Variants in POLR2B observed in about 807,000 individuals in gnomAD.
POLR2B encodes RNA polymerase II subunit B, also known as DNA-directed RNA polymerase II subunit RPB2.
A neutral mutation model predicts 144.6 loss-of-function variants in POLR2B; 57 were observed. The observed-to-expected ratio is 0.39, with a 90% CI of 0.32 to 0.49. The LOEUF (loss-of-function observed/expected upper bound fraction) is 0.49, where lower values mean the gene tolerates loss of function less well. POLR2B is among the 20% of genes least tolerant of loss of function. The probability of loss-of-function intolerance (pLI) is 0.83; values close to 1 mark genes in which losing one functional copy is unlikely to be tolerated. For missense variants in POLR2B, 595 were observed against 1,467.4 expected (o/e 0.41, Z 9.71); for synonymous variants, 442 against 469.8 (o/e 0.94, Z 0.77).
At chr4:56,992,704 C>T (rs537676807) in intron 3 of POLR2B, among the ~76,000 whole-genome samples, 26 of 150,754 alleles carry the variant, frequency 1.7e-4, no homozygotes, top group African/African-American at 5.6e-4. Context: ...GGACTACAGG[C>T]GCCTGCCACC....
At chr4:56,996,258 GTGTGTA>G (rs1325963884) in intron 6 of POLR2B, among the ~76,000 whole-genome samples, 2 of 60,202 alleles carry the variant, frequency 3.3e-5, no homozygotes, top group South Asian at 1.3e-3. Flanking sequence ...GTGTGTGTGT[GTGTGTA>G]TATATATATA....
chr4:57,031,117 GCTTTT>G lies in POLR2B; in HGVS notation c.*133_*137del, dbSNP rs1723907858. 2 of 717,750 alleles carry G rather than the reference GCTTTT, an allele frequency of 2.8e-6. No individual in the cohort carries two copies. The highest frequency in any genetic ancestry group is 4.8e-6 in the Non-Finnish European group (2 of 414,028). 44.5% of individuals were successfully genotyped at this position (717,750 alleles called of 1,614,324 possible). On this transcript the variant is annotated 3_prime_UTR_variant, in exon 25 of 25. Coordinates refer to ENST00000314595, the MANE Select transcript of POLR2B (RefSeq NM_000938.3). ...ATTTTATTTGTTTAATGATATGCAT[GCTTTT>G]CTTCTGTAAATATATAATAAATTTT... is the stretch of plus-strand genomic sequence containing the variant.
At chr4:57,014,788 C>T (rs1448191662) in intron 13 of POLR2B, among the ~76,000 whole-genome samples, 4 of 152,152 alleles carry the variant, frequency 2.6e-5, no homozygotes, top group Admixed American at 2.6e-4. Context: ...CAGGCTTGAG[C>T]CACCGTGCCT....
Position 57,010,516 on chromosome 4 carries a change from G to A in POLR2B, c.1548+12G>A. ...CCGAGACCCCAGAGGTAATACATTA[G>A]AATTTACATTCAGGACAAAAAGTCA... On this transcript the variant is annotated intron_variant, in intron 11 of 24. Coordinates refer to ENST00000314595, the MANE Select transcript of POLR2B (RefSeq NM_000938.3). 1 of 1,603,806 alleles carries A rather than the reference G, an allele frequency of 6.2e-7. No homozygotes were observed. Among genetic ancestry groups the A allele is most frequent in the Non-Finnish European group, 8.5e-7 (1 of 1,175,856 alleles).
At position 56,994,408 on chromosome 4, in the gene POLR2B, G is replaced by A. The variant is rs1325198238; in HGVS notation, c.248G>A (p.Arg83Gln). 5 of 1,546,194 alleles carry A rather than the reference G, an allele frequency of 3.2e-6. No individual in the cohort carries two copies. Among genetic ancestry groups the A allele is most frequent in the South Asian group, 1.1e-5 (1 of 87,836 alleles). ...HASGEVEEPP[R>Q]YLLKFEQIYL... ...TGTTTTTTTGTTTAATTTCAGCCAC[G>A]ATATTTGCTGAAGTTTGAACAAATT... Residue 83 changes from arginine to glutamine, a missense_variant, in exon 4 of 25, where the codon CGA becomes CAA. By Grantham distance (43) the Arg-to-Gln change is conservative. This residue lies in a region of POLR2B where 251 missense variants were observed against 567.3 expected (regional missense o/e 0.44). Coordinates refer to ENST00000314595, the MANE Select transcript of POLR2B (RefSeq NM_000938.3).
intron 1 of POLR2B, 142 bp downstream of exon 1, chr4:56,979,146 A>T: frequency 1.1e-6 from 1 of 883,602 alleles, no homozygotes; most frequent in Non-Finnish European, 1.9e-6. Flanking sequence ...CCAGGCCGGG[A>T]ACGAAACTGG....
chr4:56,996,228 G>GTGTGTGTGTGTGTGTGTGTGTGTGTA (rs1722673415), intron 6 of POLR2B, among the ~76,000 whole-genome samples: 4 of 142,924 alleles, frequency 2.8e-5, no homozygotes. Context: ...GTGTGTGTGT[G>GTGTGTGTGTGTGTGTGTGTGTGTGTA]TGTGTGTGTG....
At chr4:57,021,588 A>C (rs536858766) in intron 17 of POLR2B, among the ~76,000 whole-genome samples, 1 of 146,760 alleles carries the variant, frequency 6.8e-6, no homozygotes, top group East Asian at 2.0e-4. Context: ...CCCAGGTTTC[A>C]AGAGATTCTC....
intron 1 of POLR2B, 116 bp downstream of exon 1, chr4:56,979,120 C>A: frequency 9.4e-7 from 1 of 1,064,834 alleles, no homozygotes; most frequent in Non-Finnish European, 1.5e-6. Context: ...AGTCCCCAGC[C>A]TTGTTCCCAC....
At chr4:56,986,601 A>G (rs1276404776) in intron 2 of POLR2B, 175 bp downstream of exon 2, 5 of 467,068 alleles carry the variant, frequency 1.1e-5, no homozygotes, top group African/African-American at 1.0e-4. Context: ...TCATTTAATC[A>G]TTTTAACCAG....
chr4:57,007,907 T>G (rs1349130215), intron 10 of POLR2B, among the ~76,000 whole-genome samples: 1 of 152,232 alleles, frequency 6.6e-6, no homozygotes, highest in Non-Finnish European at 1.5e-5. Context: ...CCTGATTGAT[T>G]TGGCATTCGG....
At chr4:56,980,359 G>C (rs1325994509) in intron 1 of POLR2B, among the ~76,000 whole-genome samples, 1 of 152,076 alleles carries the variant, frequency 6.6e-6, no homozygotes, top group East Asian at 1.9e-4. Flanking sequence ...CGAAAAAAAA[G>C]ATTTTTAAAG....
At chr4:56,983,485 C>T (rs749935425) in intron 1 of POLR2B, among the ~76,000 whole-genome samples, 2 of 150,776 alleles carry the variant, frequency 1.3e-5, no homozygotes, top group African/African-American at 4.9e-5. Context: ...TGATTCTTCG[C>T]CTCAGCCTCC....
At chr4:56,992,260 T>G (rs904920042) in intron 3 of POLR2B, among the ~76,000 whole-genome samples, 1 of 151,576 alleles carries the variant, frequency 6.6e-6, no homozygotes, top group African/African-American at 2.4e-5. Context: ...CTCAAGAGTT[T>G]GAGACCAGCC....
chr4:57,026,762 A>G (rs1243931540), intron 23 of POLR2B, among the ~76,000 whole-genome samples: 2 of 152,118 alleles, frequency 1.3e-5, no homozygotes, highest in Middle Eastern at 3.4e-3. Flanking sequence ...CTCTGTCTCG[A>G]TAACAAAACA....
chr4:56,986,442 A>T lies in POLR2B; in HGVS notation c.92+16A>T. 6.4e-7 allele frequency: 1 copy of T among 1,566,522 alleles called. No individual in the cohort carries two copies. The highest frequency in any genetic ancestry group is 8.8e-7 in the Non-Finnish European group (1 of 1,137,414). Reference sequence around the variant, plus strand: ...TTGTAATCAGGTAACTTTGGACCAAACTGAATTAGCCTGAAAAGGCACTTT... The same window carrying T: ...TTGTAATCAGGTAACTTTGGACCAATCTGAATTAGCCTGAAAAGGCACTTT... On this transcript the variant is annotated intron_variant, in intron 2 of 24. Coordinates refer to ENST00000314595, the MANE Select transcript of POLR2B (RefSeq NM_000938.3).
chr4:57,025,678 C>G (rs1168464662), intron 23 of POLR2B, 141 bp downstream of exon 23: 2 of 588,926 alleles, frequency 3.4e-6, no homozygotes, highest in Non-Finnish European at 6.1e-6. Flanking sequence ...GATGGCCAGT[C>G]TTGTTGCATT....
In POLR2B at chr4:56,996,205, C is replaced by CGTGTGTGTGTGTGT. The variant is rs1325314185; in HGVS notation, c.735+796_735+797insGTGTGTGTGTGTGT. Among the ~76,000 whole-genome samples, 288 of 41,136 alleles carry CGTGTGTGTGTGTGT rather than the reference C, an allele frequency of 7.0e-3. 3 individuals carry two copies. Among genetic ancestry groups the CGTGTGTGTGTGTGT allele is most frequent in the Admixed American group, 0.021 (58 of 2,788 alleles). The allele number at this position is 41,136 out of a possible 152,430, so 27.0% of individuals were successfully genotyped here. On this transcript the variant is annotated intron_variant, in intron 6 of 24. Transcript: ENST00000314595. ...ATCTTGGAAAACCTCTATTTCAGTT[C>CGTGTGTGTGTGTGT]ATGTGTGTGTGTGTGTGTGTGTGTG...
Position 57,024,005 on chromosome 4 carries a change from G to A in POLR2B, c.2857G>A (p.Asp953Asn), listed in dbSNP as rs1723632128. 2 of 1,549,996 alleles carry A rather than the reference G, an allele frequency of 1.3e-6. No homozygotes were observed. Among genetic ancestry groups the A allele is most frequent in the African/African-American group, 2.8e-5 (2 of 72,128 alleles). The change falls in exon 21 of 25, where the codon GAT becomes AAT. Residue 953 changes from aspartate to asparagine, a missense_variant and splice_region_variant. Physicochemically the swap from Asp to Asn is conservative, Grantham distance 23. Coordinates refer to ENST00000314595, the MANE Select transcript of POLR2B (RefSeq NM_000938.3). ...GTCGIQYRQE[D>N]MPFTCEGITP... Reference sequence around the variant, plus strand: ...TCCCTTTTAAAATTTTTCTTTGTAGGATATGCCTTTCACCTGTGAAGGTAT... The same window carrying A: ...TCCCTTTTAAAATTTTTCTTTGTAGAATATGCCTTTCACCTGTGAAGGTAT...
Sources: allele counts gnomAD v4.1 joint callset (sites outside exome capture counted in the v4.1 genomes callset), GRCh38; gene constraint gnomAD v4.1.1; regional missense constraint gnomAD v4.1.1; transcripts MANE v1.5; gene names NCBI Gene and HGNC (gene_info 2026-07-23, HGNC 2026-07-21).